The following PHC2 variants were observed in gnomAD, a reference collection of about 807,000 sequenced individuals.
The protein encoded by PHC2 is polyhomeotic homolog 2.
Under a neutral mutation model 87.4 loss-of-function variants are expected in PHC2, and 29 were observed. The observed-to-expected ratio is 0.33, with a 90% CI of 0.25 to 0.45. The LOEUF (loss-of-function observed/expected upper bound fraction) is 0.45. PHC2 is among the 20% of genes least tolerant of loss of function. The pLI is 1.00. For synonymous variants in PHC2, 438 were observed against 461.7 expected (o/e 0.95, Z 0.66); for missense variants, 857 against 1,136.7 (o/e 0.75, Z 3.54).
In PHC2 at chr1:33,364,356, CCAGACA is replaced by C. The variant is rs1647308985; in HGVS notation, c.976+2754_976+2759del. Among the ~76,000 whole-genome samples, 1 of 117,670 alleles carries C rather than the reference CCAGACA, an allele frequency of 8.5e-6. No individual in the cohort carries two copies. The highest frequency in any genetic ancestry group is 1.9e-5 in the Non-Finnish European group (1 of 51,848). 77.2% of individuals were successfully genotyped at this position (117,670 alleles called of 152,430 possible). On this transcript the variant is annotated intron_variant, in intron 7 of 14. Coordinates refer to ENST00000683057, the MANE Select transcript of PHC2 (RefSeq NM_001385109.1). The surrounding 1 kb of genome is among the most constrained non-coding windows in gnomAD (Gnocchi z 4.1). Reference sequence around the variant, plus strand: ...TGCGCGCTCGCTTGCTTTCTCTCTCCCAGACACACACACACACACACACACACTTGC... The same window carrying C: ...TGCGCGCTCGCTTGCTTTCTCTCTCCCACACACACACACACACACACTTGC...
chr1:33,408,747 G>A (rs1461120124), intron 1 of PHC2, among the ~76,000 whole-genome samples: 1 of 152,176 alleles, frequency 6.6e-6, no homozygotes, highest in Non-Finnish European at 1.5e-5. Context: ...TTACAGGCAT[G>A]AGCCACCGCG....
chr1:33,371,461 C>CCTGG (rs1647835067), intron 3 of PHC2, among the ~76,000 whole-genome samples: 2 of 152,260 alleles, frequency 1.3e-5, no homozygotes, highest in Admixed American at 6.5e-5. Context: ...CACCATCACA[C>CCTGG]CCAGCCACCA....
chr1:33,405,527 G>A (rs532172593), intron 1 of PHC2, among the ~76,000 whole-genome samples: 160 of 151,976 alleles, frequency 1.1e-3, no homozygotes, highest in African/African-American at 3.6e-3. Flanking sequence ...TCACCTTTTG[G>A]CTTTGTATAT....
intron 1 of PHC2, among the ~76,000 whole-genome samples, chr1:33,389,287 A>G (rs1014425055): frequency 1.3e-5 from 2 of 152,196 alleles, no homozygotes; most frequent in Admixed American, 6.5e-5. Context: ...AGAAATCCAG[A>G]GCAGTGAATG....
At chr1:33,430,077 T>C (rs1356078735) in intron 1 of PHC2, among the ~76,000 whole-genome samples, 1 of 151,856 alleles carries the variant, frequency 6.6e-6, no homozygotes, top group Non-Finnish European at 1.5e-5. Context: ...TCTTAGTGAA[T>C]TGGGGGAGGG....
At position 33,349,154 on chromosome 1, in the gene PHC2, T is replaced by C. The variant is rs1646904962; in HGVS notation, c.1558+5247A>G. The C allele has an allele frequency of 1.9e-5, 19 of 985,380 alleles. No homozygotes were observed. Among genetic ancestry groups the C allele is most frequent in the Non-Finnish European group, 2.3e-5 (19 of 829,888 alleles). The allele number at this position is 985,380 out of a possible 1,614,324, so 61.0% of individuals were successfully genotyped here. ...CATCCAATTAAAAACCTCGTGAGAC[T>C]GAACTAGATTAAAAACAAAACTCTC... On this transcript the variant is annotated intron_variant, in intron 9 of 14. Transcript: ENST00000683057. This position sits in a 1 kb window ranked among gnomAD's most constrained non-coding sequence, Gnocchi z 4.2.
At chr1:33,394,909 C>A (rs1649233648) in intron 1 of PHC2, among the ~76,000 whole-genome samples, 1 of 152,152 alleles carries the variant, frequency 6.6e-6, no homozygotes, top group Admixed American at 6.5e-5. Context: ...AATAGCACAA[C>A]CACTTTGGAA....
chr1:33,375,910 G>A (rs757969253), intron 1 of PHC2, among the ~76,000 whole-genome samples: 2 of 152,188 alleles, frequency 1.3e-5, no homozygotes, highest in African/African-American at 2.4e-5. Flanking sequence ...TTATATTAGG[G>A]ACTTGAGCTT....
chr1:33,373,574 C>T (rs185861921), intron 2 of PHC2, among the ~76,000 whole-genome samples: 2 of 152,276 alleles, frequency 1.3e-5, no homozygotes, highest in Non-Finnish European at 2.9e-5. Flanking sequence ...TCCTCCCCAT[C>T]CCCAGGAACA....
In PHC2 at chr1:33,354,997, A is replaced by G. The variant is rs1647042971; in HGVS notation, c.1233T>C (p.Thr411=). The change falls in exon 8 of 15, where the codon ACT becomes ACC. Residue 411 remains threonine, a synonymous_variant. Coordinates refer to ENST00000683057, the MANE Select transcript of PHC2 (RefSeq NM_001385109.1). ...TGCCGCCAGGCTTGTGCAGGTTGGC[A>G]GTGGGACACTGGAGTGGCAGGGCGG... ...VTPALPLQCP[T]ANLHKPGGSQ... 6.2e-7 allele frequency: 1 copy of G among 1,614,040 alleles called. No homozygotes were observed. Among genetic ancestry groups the G allele is most frequent in the Non-Finnish European group, 8.5e-7 (1 of 1,180,046 alleles).
intron 7 of PHC2, among the ~76,000 whole-genome samples, chr1:33,360,172 G>A (rs1647168067): frequency 6.6e-6 from 1 of 152,266 alleles, no homozygotes; most frequent in African/African-American, 2.4e-5. Flanking sequence ...AAGTTTACCT[G>A]TAAGAAACTT....
intron 3 of PHC2, 134 bp downstream of exon 3, chr1:33,372,155 C>T (rs1373352407): frequency 1.1e-5 from 9 of 813,386 alleles, no homozygotes; most frequent in East Asian, 5.5e-5. Context: ...CAGTAGTGCT[C>T]GTGTCACAAG....
At chr1:33,376,532 C>CGG (rs1648193870) in intron 1 of PHC2, among the ~76,000 whole-genome samples, 1 of 152,254 alleles carries the variant, frequency 6.6e-6, no homozygotes, top group Admixed American at 6.5e-5. Flanking sequence ...GATCACCTCT[C>CGG]ACCCTATCAG....
chr1:33,332,134 G>A lies in PHC2; in HGVS notation c.1891+141C>T. 1.1e-6 allele frequency: 1 copy of A among 872,204 alleles called. No homozygotes were observed. The highest frequency in any genetic ancestry group is 2.4e-5 in the Admixed American group (1 of 41,272). The allele number at this position is 872,204 out of a possible 1,614,324, so 54.0% of individuals were successfully genotyped here. ...CCCCTATCCCTCTTTTTGAGGGAAGGAGGCTGAGGAGGTGCTGGGGGAAAT... is the reference window on the plus strand; with the variant it reads ...CCCCTATCCCTCTTTTTGAGGGAAGAAGGCTGAGGAGGTGCTGGGGGAAAT... On this transcript the variant is annotated intron_variant, in intron 11 of 14. Coordinates refer to ENST00000683057, the MANE Select transcript of PHC2 (RefSeq NM_001385109.1). This position sits in a 1 kb window ranked among gnomAD's most constrained non-coding sequence, Gnocchi z 4.2.
chr1:33,417,784 A>T (rs1650272606), intron 1 of PHC2, among the ~76,000 whole-genome samples: 1 of 152,178 alleles, frequency 6.6e-6, no homozygotes. Context: ...TAATTTAGAT[A>T]TATAGAACAT....
In PHC2 at chr1:33,331,485, G is replaced by C. The variant is rs1040243270; in HGVS notation, c.1892-23C>G. The C allele has an allele frequency of 7.2e-7, 1 of 1,395,044 alleles. No homozygotes were observed. The highest frequency in any genetic ancestry group is 1.0e-6 in the Non-Finnish European group (1 of 983,096). The allele number at this position is 1,395,044 out of a possible 1,614,324, so 86.4% of individuals were successfully genotyped here. On this transcript the variant is annotated intron_variant, in intron 11 of 14. Transcript: ENST00000683057. This position sits in a 1 kb window ranked among gnomAD's most constrained non-coding sequence, Gnocchi z 5.2. Reference sequence around the variant, plus strand: ...ATTCTGAAAAGTATAGAAATGGGTAGGGTGGAGAATGAGAAATTCCTGCAG... The same window carrying C: ...ATTCTGAAAAGTATAGAAATGGGTACGGTGGAGAATGAGAAATTCCTGCAG...
chr1:33,355,708 CTG>C (rs1449290072), intron 7 of PHC2, among the ~76,000 whole-genome samples: 18 of 152,364 alleles, frequency 1.2e-4, no homozygotes, highest in Admixed American at 1.2e-3. Flanking sequence ...GCCTCTGGCT[CTG>C]CTCAGGCGAG....
In PHC2 at chr1:33,398,745, C is replaced by A. The variant is rs542708596; in HGVS notation, c.-54-23152G>T. ...ATTCTTGGTTTCCCAAAGCTATATT[C>A]CAGTAGATACAGGGACTTTTTGGTA... On this transcript the variant is annotated intron_variant, in intron 1 of 14. Coordinates refer to ENST00000683057, the MANE Select transcript of PHC2 (RefSeq NM_001385109.1). 3.3e-5 allele frequency among the ~76,000 whole-genome samples: 5 copies of A among 152,260 alleles called. No homozygotes were observed. In the East Asian group the frequency reaches 9.6e-4, roughly 29 times the overall value.
intron 1 of PHC2, among the ~76,000 whole-genome samples, chr1:33,384,024 G>C (rs889955253): frequency 3.9e-5 from 6 of 152,154 alleles, no homozygotes; most frequent in Admixed American, 3.3e-4. Context: ...GGCGGCCTTA[G>C]GGAACTATTA....
Sources: allele counts gnomAD v4.1 joint callset (sites outside exome capture counted in the v4.1 genomes callset), GRCh38; gene constraint gnomAD v4.1.1; non-coding constraint Gnocchi (gnomAD v3.1); transcripts MANE v1.5; gene names NCBI Gene and HGNC (gene_info 2026-07-23, HGNC 2026-07-21).